The following PRKN variants were observed in gnomAD, a reference collection of about 807,000 sequenced individuals.
The protein encoded by PRKN is parkin RBR E3 ubiquitin protein ligase.
In PRKN, 56 loss-of-function variants were observed where a neutral mutation model predicts 59.5. The ratio of observed to expected loss-of-function variants is 0.94; its 90% CI spans 0.76 to 1.18. The LOEUF is 1.18. Among genes scored for constraint, PRKN ranks in the 50% most tolerant of loss-of-function variants. The pLI is 0.00. For synonymous variants in PRKN, 250 were observed against 222.1 expected (o/e 1.13, Z -1.12); for missense variants, 657 against 596.4 (o/e 1.10, Z -1.06).
chr6:162,214,794 C>T (rs1467636321), intron 3 of PRKN, among the ~76,000 whole-genome samples: 1 of 152,156 alleles, frequency 6.6e-6, no homozygotes, highest in Non-Finnish European at 1.5e-5. Context: ...TGATGTCCCT[C>T]ATTCATTAAA....
intron 1 of PRKN, among the ~76,000 whole-genome samples, chr6:162,685,001 T>TTA (rs1262229735): frequency 6.6e-6 from 1 of 152,126 alleles, no homozygotes; most frequent in Non-Finnish European, 1.5e-5. Context: ...AATTTGTAAT[T>TTA]TATATATATT....
At chr6:162,212,922 A>G (rs1450467434) in intron 3 of PRKN, among the ~76,000 whole-genome samples, 1 of 152,214 alleles carries the variant, frequency 6.6e-6, no homozygotes, top group Non-Finnish European at 1.5e-5. Context: ...TGACATTATG[A>G]GGGCTATGAT....
At chr6:161,810,805 T>A (rs932869197) in intron 6 of PRKN, among the ~76,000 whole-genome samples, 4 of 152,188 alleles carry the variant, frequency 2.6e-5, no homozygotes, top group South Asian at 4.1e-4. Context: ...TCCTTAGGAT[T>A]CTAATTCAAA....
At chr6:162,352,834 T>G (rs892031824) in intron 2 of PRKN, among the ~76,000 whole-genome samples, 1 of 152,192 alleles carries the variant, frequency 6.6e-6, no homozygotes, top group South Asian at 2.1e-4. Flanking sequence ...ATTACACATC[T>G]TAAAAGTATC....
chr6:162,288,231 C>A (rs1254772642), intron 2 of PRKN, among the ~76,000 whole-genome samples: 3 of 152,172 alleles, frequency 2.0e-5, no homozygotes, highest in African/African-American at 2.4e-5. Context: ...ATGTAGCCAA[C>A]AAGAGGAAAA....
intron 5 of PRKN, among the ~76,000 whole-genome samples, chr6:162,010,276 G>T (rs1459243849): frequency 8.6e-6 from 1 of 115,996 alleles, no homozygotes; most frequent in Non-Finnish European, 1.7e-5. Flanking sequence ...TATATATTAT[G>T]TATGATAAAT....
At chr6:162,613,942 T>C (rs921153101) in intron 1 of PRKN, among the ~76,000 whole-genome samples, 1 of 152,090 alleles carries the variant, frequency 6.6e-6, no homozygotes, top group African/African-American at 2.4e-5. Flanking sequence ...TTGCAATCAC[T>C]GAGAGGGTTC....
At chr6:161,474,320 C>T (rs947534519) in intron 9 of PRKN, among the ~76,000 whole-genome samples, 1 of 152,204 alleles carries the variant, frequency 6.6e-6, no homozygotes, top group Admixed American at 6.5e-5. Flanking sequence ...TCTTGTCTTT[C>T]CTGCTCCAAC....
intron 6 of PRKN, among the ~76,000 whole-genome samples, chr6:161,902,289 C>T (rs1777946810): frequency 6.6e-6 from 1 of 152,124 alleles, no homozygotes; most frequent in African/African-American, 2.4e-5. Context: ...CACCAGGCTG[C>T]AGAGGCTCAG....
chr6:162,304,276 T>A (rs916652689), intron 2 of PRKN, among the ~76,000 whole-genome samples: 1 of 150,736 alleles, frequency 6.6e-6, no homozygotes, highest in Admixed American at 6.6e-5. Flanking sequence ...TTATTTATGC[T>A]GTTTTTTTCT....
At chr6:161,978,553 T>G (rs143037817) in intron 5 of PRKN, among the ~76,000 whole-genome samples, 1 of 152,376 alleles carries the variant, frequency 6.6e-6, no homozygotes, top group Non-Finnish European at 1.5e-5. Flanking sequence ...GGCATGATTC[T>G]TTGGGATTAA....
At chr6:162,463,203 T>A (rs1173656476) in intron 1 of PRKN, among the ~76,000 whole-genome samples, 2 of 152,232 alleles carry the variant, frequency 1.3e-5, no homozygotes, top group Admixed American at 1.3e-4. Context: ...TCCTCTGTTA[T>A]TAAATGATGA....
At chr6:162,349,727 C>T (rs770171116) in intron 2 of PRKN, among the ~76,000 whole-genome samples, 1 of 152,098 alleles carries the variant, frequency 6.6e-6, no homozygotes, top group South Asian at 2.1e-4. Flanking sequence ...CTATGGAGGA[C>T]CTACAGCTAA....
At position 161,578,982 on chromosome 6, in the gene PRKN, C is replaced by A. The variant is rs1363196578; in HGVS notation, c.872-9566G>T. 6.6e-6 allele frequency among the ~76,000 whole-genome samples: 1 copy of A among 152,202 alleles called. No individual in the cohort carries two copies. The highest frequency in any genetic ancestry group is 1.5e-5 in the Non-Finnish European group (1 of 68,036). Reference sequence around the variant, plus strand: ...TTTACAGGGCAAGTGTTTTCAACATCCAGCATCCCTCAGATCACAAATTTA... The same window carrying A: ...TTTACAGGGCAAGTGTTTTCAACATACAGCATCCCTCAGATCACAAATTTA... On this transcript the variant is annotated intron_variant, in intron 7 of 11. Transcript: ENST00000366898. The surrounding 1 kb of genome is among the most constrained non-coding windows in gnomAD (Gnocchi z 4.2).
chr6:161,898,393 A>G (rs2186812), intron 6 of PRKN, among the ~76,000 whole-genome samples: 4 of 152,206 alleles, frequency 2.6e-5, no homozygotes, highest in Non-Finnish European at 5.9e-5. Flanking sequence ...TTACATCTGT[A>G]TATTGCTTTA....
chr6:162,294,693 T>G (rs1369747049), intron 2 of PRKN, among the ~76,000 whole-genome samples: 1 of 151,958 alleles, frequency 6.6e-6, no homozygotes, highest in African/African-American at 2.4e-5. Context: ...GTATTAAGTT[T>G]TCTGCTGAAG....
intron 7 of PRKN, among the ~76,000 whole-genome samples, chr6:161,686,346 A>G (rs1469763959): frequency 6.6e-6 from 1 of 152,174 alleles, no homozygotes; most frequent in East Asian, 1.9e-4. Context: ...CATGATACAG[A>G]ACATCTGACT....
intron 9 of PRKN, among the ~76,000 whole-genome samples, chr6:161,392,121 T>C (rs1305080214): frequency 2.6e-5 from 4 of 151,948 alleles, no homozygotes; most frequent in African/African-American, 4.8e-5. Flanking sequence ...TTATTTTTAA[T>C]AGAGACGGGG....
chr6:161,787,804 G>A (rs987601803), intron 6 of PRKN, among the ~76,000 whole-genome samples: 8 of 152,152 alleles, frequency 5.3e-5, no homozygotes, highest in Non-Finnish European at 7.4e-5. Context: ...AAATTAGCCC[G>A]GCGTGGTGGC....
Sources: gnomAD v4.1 joint callset for allele counts (sites outside exome capture counted in the v4.1 genomes callset) on GRCh38, gnomAD v4.1.1 for gene constraint, Gnocchi (gnomAD v3.1) non-coding constraint, MANE v1.5 for transcripts, NCBI Gene and HGNC (gene_info 2026-07-23, HGNC 2026-07-21) for gene names.